Variants in EPB41L5 observed in about 807,000 individuals in gnomAD.
EPB41L5 encodes the protein band 4.1-like protein 5.
In EPB41L5, 55 loss-of-function variants were observed where a neutral mutation model predicts 106.6. The observed-to-expected ratio is 0.52, with a 90% CI of 0.42 to 0.65. The LOEUF (loss-of-function observed/expected upper bound fraction) is 0.65. EPB41L5 is among the 30% of genes least tolerant of loss of function. EPB41L5 has a pLI of 0.00. For missense variants in EPB41L5, 871 were observed against 882.1 expected (o/e 0.99, Z 0.16); for synonymous variants, 297 against 306.7 (o/e 0.97, Z 0.33).
Position 120,090,485 on chromosome 2 carries a change from T to C in EPB41L5, c.1012T>C (p.Phe338Leu), listed in dbSNP as rs753448765. The C allele has an allele frequency of 5.6e-6, 9 of 1,613,104 alleles. No individual in the cohort carries two copies. The East Asian group carries it at 1.8e-4, about 32-fold the overall frequency. The change falls in exon 12 of 25, where the codon TTT (phenylalanine) becomes CTT (leucine). Residue 338 changes from phenylalanine (F) to leucine (L), a missense_variant. Transcript: ENST00000263713. ...CCAAAAGAGTTCTCATCGATCAGGA[T>C]TTATTCGACTAGGATCACGATTTAG... ...PVQKSSHRSG[F>L]IRLGSRFRYS...
chr2:120,146,106 C>T, intron 19 of EPB41L5, 119 bp from the exon 20 acceptor site: 1 of 641,110 alleles, frequency 1.6e-6, no homozygotes, highest in Non-Finnish European at 2.8e-6. Flanking sequence ...GGTATGATTA[C>T]CTCTTATTTT....
chr2:120,110,633 C>CTTTTTTT (rs1176810559), intron 16 of EPB41L5, among the ~76,000 whole-genome samples: 1 of 147,344 alleles, frequency 6.8e-6, no homozygotes, highest in African/African-American at 2.5e-5. Context: ...CTACCTTCCC[C>CTTTTTTT]TATTTTTTTT....
intron 20 of EPB41L5, among the ~76,000 whole-genome samples, chr2:120,153,943 C>A (rs2105519583): frequency 6.6e-6 from 1 of 152,226 alleles, no homozygotes; most frequent in Admixed American, 6.5e-5. Context: ...AAAATTCTTT[C>A]TGCCACTCTC....
chr2:120,029,083 G>C (rs1366136951), intron 2 of EPB41L5, among the ~76,000 whole-genome samples: 4 of 152,154 alleles, frequency 2.6e-5, no homozygotes, highest in African/African-American at 9.7e-5. Context: ...AGATAGCACG[G>C]CAGTTGGAGA....
intron 3 of EPB41L5, among the ~76,000 whole-genome samples, chr2:120,063,576 ACCAAACCC>A (rs1290000723): frequency 6.6e-6 from 1 of 152,116 alleles, no homozygotes; most frequent in African/African-American, 2.4e-5. Flanking sequence ...TAACCTGTAT[ACCAAACCC>A]CCATGACATG....
At chr2:120,039,087 T>C (rs1558814880) in intron 2 of EPB41L5, among the ~76,000 whole-genome samples, 1 of 152,246 alleles carries the variant, frequency 6.6e-6, no homozygotes, top group Non-Finnish European at 1.5e-5. Context: ...AATATTGTTA[T>C]GATTCTACTT....
intron 14 of EPB41L5, among the ~76,000 whole-genome samples, chr2:120,094,356 A>G (rs948737407): frequency 1.3e-5 from 2 of 150,528 alleles, no homozygotes; most frequent in Admixed American, 1.3e-4. Context: ...TATCTCTTTT[A>G]TCTGTGGTAT....
intron 16 of EPB41L5, chr2:120,104,795 TA>T: frequency 1.2e-5 from 11 of 922,496 alleles, no homozygotes; most frequent in Non-Finnish European, 1.4e-5. Context: ...TTTTACTTTT[TA>T]ATAAACACGA....
chr2:120,109,928 A>G (rs1684643854), intron 16 of EPB41L5, among the ~76,000 whole-genome samples: 1 of 152,228 alleles, frequency 6.6e-6, no homozygotes, highest in Non-Finnish European at 1.5e-5. Context: ...CACATTTAGG[A>G]GAATGATGTT....
chr2:120,016,696 C>G (rs1677552192), intron 1 of EPB41L5, among the ~76,000 whole-genome samples: 1 of 151,714 alleles, frequency 6.6e-6, no homozygotes, highest in South Asian at 2.1e-4. Context: ...CAGTCTCACT[C>G]AGGTTGGAGT....
chr2:120,120,840 G>A (rs764745260), intron 16 of EPB41L5, among the ~76,000 whole-genome samples: 1 of 152,200 alleles, frequency 6.6e-6, no homozygotes, highest in Non-Finnish European at 1.5e-5. Flanking sequence ...TTTAGGCCAG[G>A]TACAGTGGCT....
At chr2:120,150,153 T>C (rs1686605152) in intron 20 of EPB41L5, among the ~76,000 whole-genome samples, 1 of 152,084 alleles carries the variant, frequency 6.6e-6, no homozygotes, top group African/African-American at 2.4e-5. Context: ...CATCCCAGCC[T>C]TCCAAAGTGC....
chr2:120,078,466 T>C (rs1411326512), intron 9 of EPB41L5, 27 bp from the exon 10 acceptor site: 1 of 1,481,188 alleles, frequency 6.8e-7, no homozygotes, highest in Non-Finnish European at 9.3e-7. Flanking sequence ...CAAATAAAGC[T>C]AACACATTTT....
intron 2 of EPB41L5, among the ~76,000 whole-genome samples, chr2:120,032,713 T>G (rs1436253698): frequency 6.6e-6 from 1 of 152,252 alleles, no homozygotes; most frequent in East Asian, 1.9e-4. Flanking sequence ...CCAGGCCCGG[T>G]TTTGAATATA....
In EPB41L5 at chr2:120,105,211, A is replaced by C. The variant is rs569042940; in HGVS notation, c.1337+4397A>C. The C allele has an allele frequency of 1.5e-4, 150 of 983,680 alleles. No homozygotes were observed. In the African/African-American group the frequency reaches 2.6e-3, roughly 17 times the overall value. 60.9% of individuals were successfully genotyped at this position (983,680 alleles called of 1,614,324 possible). A position where few individuals can be genotyped will look rare whatever the true frequency, so the allele number is the denominator to read the frequency against. ...TTAATAGAAGTGAATTAGCTGGAAA[A>C]AGTCCATTTCTGATAGGAAAACATG... On this transcript the variant is annotated intron_variant, in intron 16 of 24. Transcript: ENST00000263713.
At chr2:120,020,499 G>A (rs1328137795) in intron 2 of EPB41L5, among the ~76,000 whole-genome samples, 1 of 152,170 alleles carries the variant, frequency 6.6e-6, no homozygotes, top group Non-Finnish European at 1.5e-5. Flanking sequence ...TTGTCTATAA[G>A]AATGTATATT....
chr2:120,021,688 T>C (rs926068385), intron 2 of EPB41L5, among the ~76,000 whole-genome samples: 2 of 152,222 alleles, frequency 1.3e-5, no homozygotes, highest in African/African-American at 4.8e-5. Context: ...GAAATCGTAC[T>C]TATTAACCTA....
intron 3 of EPB41L5, among the ~76,000 whole-genome samples, chr2:120,062,209 C>T (rs563884190): frequency 1.3e-5 from 2 of 152,162 alleles, no homozygotes; most frequent in South Asian, 4.2e-4. Context: ...ACTGAGAACA[C>T]AATAGGATTC....
intron 18 of EPB41L5, among the ~76,000 whole-genome samples, chr2:120,141,824 A>G (rs567820665): frequency 2.0e-5 from 3 of 152,230 alleles, no homozygotes; most frequent in African/African-American, 7.2e-5. Flanking sequence ...TTGCTTTTTA[A>G]TGGCCTCAGG....
Sources: allele counts gnomAD v4.1 joint callset (sites outside exome capture counted in the v4.1 genomes callset), GRCh38; gene constraint gnomAD v4.1.1; transcripts MANE v1.5; gene names NCBI Gene and HGNC (gene_info 2026-07-23, HGNC 2026-07-21).